The following RSAD2 variants were observed in gnomAD, a reference collection of about 807,000 sequenced individuals.
The protein encoded by RSAD2 is radical S-adenosyl methionine domain containing 2, also known as S-adenosylmethionine-dependent nucleotide dehydratase RSAD2.
In RSAD2, 38 loss-of-function variants were observed where a neutral mutation model predicts 37.7. The observed-to-expected ratio is 1.01, with a 90% CI of 0.78 to 1.32. The LOEUF (loss-of-function observed/expected upper bound fraction) is 1.32, where lower values mean the gene tolerates loss of function less well. RSAD2 is among the 40% of genes most tolerant of loss of function. The pLI, the probability that RSAD2 is intolerant of heterozygous loss-of-function variation, is 0.00. For missense variants in RSAD2, 428 were observed against 437.5 expected, an observed-to-expected ratio of 0.98 and a Z score of 0.19; for synonymous variants, 163 against 157.4, an observed-to-expected ratio of 1.04 and a Z score of -0.27.
chr2:6,871,052 T>TA (rs1387936016), intron 1 of RSAD2, among the ~76,000 whole-genome samples: 5 of 151,918 alleles, frequency 3.3e-5, no homozygotes, highest in Non-Finnish European at 5.9e-5. Context: ...AAAAAGAAAA[T>TA]ACCAAACCTC....
chr2:6,884,851 A>T (rs1185442643), intron 2 of RSAD2, among the ~76,000 whole-genome samples: 1 of 152,238 alleles, frequency 6.6e-6, no homozygotes, highest in East Asian at 1.9e-4. Context: ...ATTATTAAAC[A>T]TAGATCAAAA....
chr2:6,872,384 T>A (rs1427141619), intron 1 of RSAD2, among the ~76,000 whole-genome samples: 2 of 152,178 alleles, frequency 1.3e-5, no homozygotes, highest in African/African-American at 4.8e-5. Flanking sequence ...TCTGTTGAAA[T>A]TGTAAAACGT....
intron 1 of RSAD2, chr2:6,866,380 G>C: frequency 1.1e-6 from 1 of 928,020 alleles, no homozygotes; most frequent in Non-Finnish European, 1.3e-6. Flanking sequence ...TATCTCACCT[G>C]TGCACTCACT....
chr2:6,873,670 A>G (rs1663235645), upstream of RSAD2, among the ~76,000 whole-genome samples: 2 of 152,280 alleles, frequency 1.3e-5, no homozygotes, highest in South Asian at 2.1e-4. Context: ...TTGCTTATTT[A>G]GGAGTGACAT....
At chr2:6,872,315 A>C (rs1663215784) in intron 1 of RSAD2, among the ~76,000 whole-genome samples, 1 of 152,160 alleles carries the variant, frequency 6.6e-6, no homozygotes, top group Non-Finnish European at 1.5e-5. Context: ...AGTTCTTTGG[A>C]TCTGTTAGTA....
upstream of RSAD2, among the ~76,000 whole-genome samples, chr2:6,873,781 C>T (rs1466130992): frequency 6.6e-6 from 1 of 152,080 alleles, no homozygotes; most frequent in Non-Finnish European, 1.5e-5. Context: ...TGAAGAGATA[C>T]TAAATGATTA....
intron 4 of RSAD2, among the ~76,000 whole-genome samples, chr2:6,891,536 G>A (rs1663628397): frequency 6.6e-6 from 1 of 152,184 alleles, no homozygotes; most frequent in African/African-American, 2.4e-5. Context: ...GGGGGGCTGA[G>A]ATGGGCGGAT....
Position 6,896,681 on chromosome 2 carries a change from G to A in RSAD2, c.*739G>A, listed in dbSNP as rs370854371. The A allele has an allele frequency of 6.6e-6, 1 of 152,136 alleles. No individual in the cohort carries two copies. Among genetic ancestry groups the A allele is most frequent in the African/African-American group, 2.4e-5 (1 of 41,422 alleles). The allele number at this position is 152,136 out of a possible 1,614,324, so 9.4% of individuals were successfully genotyped here. A position where few individuals can be genotyped will look rare whatever the true frequency, so the allele number is the denominator to read the frequency against. ...AGAAAGAGATAACACATGGAAAGAC[G>A]GTGTGGTGCAGCCCAGCCCACGGTG... On this transcript the variant is annotated 3_prime_UTR_variant, in exon 6 of 6. Coordinates refer to ENST00000382040, the MANE Select transcript of RSAD2 (RefSeq NM_080657.5).
intron 3 of RSAD2, among the ~76,000 whole-genome samples, chr2:6,888,777 A>G (rs924593663): frequency 1.3e-5 from 2 of 152,188 alleles, no homozygotes; most frequent in African/African-American, 4.8e-5. Flanking sequence ...CAGGCTTCCA[A>G]TTGATGTAAA....
intron 1 of RSAD2, chr2:6,866,064 T>G (rs554445982): frequency 3.6e-6 from 1 of 278,978 alleles, no homozygotes; most frequent in Admixed American, 6.1e-5. Context: ...GTGTGCGTTC[T>G]GCGGGTGGCT....
Position 6,896,328 on chromosome 2 carries a change from T to G in RSAD2, c.*386T>G, listed in dbSNP as rs1318203914. 1 of 160,706 alleles carries G rather than the reference T, an allele frequency of 6.2e-6. No homozygotes were observed. The highest frequency in any genetic ancestry group is 2.4e-5 in the African/African-American group (1 of 41,858). 10.0% of individuals were successfully genotyped at this position (160,706 alleles called of 1,614,324 possible). A position where few individuals can be genotyped will look rare whatever the true frequency, so the allele number is the denominator to read the frequency against. ...TTGTAAGAAATAAGCTCTAGTGATA[T>G]CTGTGGGGGCAAAATTTAATTTGGA... On this transcript the variant is annotated 3_prime_UTR_variant, in exon 6 of 6. Transcript: ENST00000382040.
At position 6,893,723 on chromosome 2, in the gene RSAD2, T is replaced by G; in HGVS notation, c.921+20T>G. 1 of 1,551,202 alleles carries G rather than the reference T, an allele frequency of 6.4e-7. No individual in the cohort carries two copies. Among genetic ancestry groups the G allele is most frequent in the African/African-American group, 1.4e-5 (1 of 73,810 alleles). On this transcript the variant is annotated intron_variant, in intron 5 of 5. Transcript: ENST00000382040. ...GAATATGTGAGTATTTCCAATGAGTTATAAAATTAAAACTTAATTAATTAA... is the reference window on the plus strand; with the variant it reads ...GAATATGTGAGTATTTCCAATGAGTGATAAAATTAAAACTTAATTAATTAA...
At chr2:6,876,228 T>C (rs552654414), upstream of RSAD2, among the ~76,000 whole-genome samples, 1 of 152,282 alleles carries the variant, frequency 6.6e-6, no homozygotes, top group East Asian at 1.9e-4. Flanking sequence ...TCTCCAGATA[T>C]TTCCAGCCGG....
intron 1 of RSAD2, chr2:6,866,457 T>C (rs965557989): frequency 1.0e-6 from 1 of 985,698 alleles, no homozygotes; most frequent in Non-Finnish European, 1.2e-6. Flanking sequence ...TTCTTGGAAT[T>C]GCCCTCTCCC....
upstream of RSAD2, among the ~76,000 whole-genome samples, chr2:6,873,024 C>T (rs1461958245): frequency 6.6e-6 from 1 of 152,158 alleles, no homozygotes; most frequent in Non-Finnish European, 1.5e-5. Flanking sequence ...AAATGCAGCT[C>T]TCTTTCTCTT....
rs568401913 is a variant in RSAD2, at chr2:6,883,509, G to A, written c.485G>A (p.Arg162Gln). The A allele has an allele frequency of 3.5e-5, 56 of 1,614,166 alleles. No individual in the cohort carries two copies. The highest frequency in any genetic ancestry group is 3.9e-5 in the Non-Finnish European group (46 of 1,180,030). ...VSIVSNGSLIRERWFQNYGEY... is the reference protein window; with the variant it reads ...VSIVSNGSLIQERWFQNYGEY... Reference sequence around the variant, plus strand: ...ATCGTGAGCAATGGAAGCCTGATCCGGGAGAGGTGGTTCCAGAATTATGGT... The same window carrying A: ...ATCGTGAGCAATGGAAGCCTGATCCAGGAGAGGTGGTTCCAGAATTATGGT... Residue 162 changes from arginine to glutamine, a missense_variant, in exon 2 of 6, where the codon CGG (arginine) becomes CAG (glutamine). Arg to Gln is a conservative substitution (Grantham distance 43, BLOSUM62 1). Transcript: ENST00000382040.
upstream of RSAD2, among the ~76,000 whole-genome samples, chr2:6,875,966 C>T (rs182464557): frequency 4.6e-5 from 7 of 152,304 alleles, no homozygotes; most frequent in Admixed American, 4.6e-4. Context: ...ATTGCCTGCT[C>T]TACCACCCAG....
At chr2:6,885,768 G>A (rs1663505239) in intron 2 of RSAD2, among the ~76,000 whole-genome samples, 1 of 152,188 alleles carries the variant, frequency 6.6e-6, no homozygotes, top group African/African-American at 2.4e-5. Flanking sequence ...AAGGCTGTAT[G>A]TTTTTGGTTT....
intron 1 of RSAD2, among the ~76,000 whole-genome samples, chr2:6,870,618 C>T (rs1199212720): frequency 6.6e-6 from 1 of 152,150 alleles, no homozygotes. Context: ...CTCAGCCAGT[C>T]CCCCCATCTA....
Sources: gnomAD v4.1 joint callset for allele counts (sites outside exome capture counted in the v4.1 genomes callset) on GRCh38, gnomAD v4.1.1 for gene constraint, MANE v1.5 for transcripts, NCBI Gene and HGNC (gene_info 2026-07-23, HGNC 2026-07-21) for gene names.